KATNIP: variants seen among roughly 807,000 people sequenced by gnomAD.
KATNIP encodes the protein katanin-interacting protein.
In KATNIP, 126 loss-of-function variants were observed where a neutral mutation model predicts 174.0. The observed-to-expected ratio is 0.72, with a 90% CI of 0.63 to 0.84. The LOEUF is 0.84. KATNIP is among the 40% of genes least tolerant of loss of function. KATNIP has a pLI of 0.00. For missense variants in KATNIP, 1,958 were observed against 2,109.7 expected (o/e 0.93, Z 1.41); for synonymous variants, 810 against 835.7 (o/e 0.97, Z 0.53).
At chr16:27,766,258 C>T (rs753744140) in intron 19 of KATNIP, 51 bp from the exon 20 acceptor site, 1 of 1,599,692 alleles carries the variant, frequency 6.3e-7, no homozygotes, top group Non-Finnish European at 8.5e-7. Context: ...ACTGTGATGC[C>T]TCCTGTGCCC....
chr16:27,706,457 C>T (rs2142997967), intron 12 of KATNIP, among the ~76,000 whole-genome samples: 1 of 152,240 alleles, frequency 6.6e-6, no homozygotes, highest in South Asian at 2.1e-4. Context: ...AAAAGAGACG[C>T]CGTGGCTTTC....
chr16:27,770,147 T>C, intron 21 of KATNIP, 129 bp downstream of exon 21: 1 of 1,104,152 alleles, frequency 9.1e-7, no homozygotes, highest in South Asian at 1.5e-5. Flanking sequence ...TTCAACTTAG[T>C]CATTTTCTAA....
intron 5 of KATNIP, among the ~76,000 whole-genome samples, chr16:27,642,885 G>A (rs1170906254): frequency 1.3e-5 from 2 of 151,542 alleles, no homozygotes; most frequent in Non-Finnish European, 2.9e-5. Flanking sequence ...TGGGATTAGA[G>A]GTGTGAGCCA....
chr16:27,681,519 G>A lies in KATNIP; in HGVS notation c.929G>A (p.Arg310Lys). 1 of 1,614,190 alleles carries A rather than the reference G, an allele frequency of 6.2e-7. No individual in the cohort carries two copies. Among genetic ancestry groups the A allele is most frequent in the Non-Finnish European group, 8.5e-7 (1 of 1,180,034 alleles). Reference sequence around the variant, plus strand: ...CCTGCTGTATTCCCAGACCAGGAGAGGATGTGCTCCAGTAAGAGTTCCGGG... The same window carrying A: ...CCTGCTGTATTCCCAGACCAGGAGAAGATGTGCTCCAGTAAGAGTTCCGGG... ...QAPAVFPDQE[R>K]MCSRPGSRRE... is the part of the protein sequence containing the mutation. The change falls in exon 8 of 28, where the codon AGG (arginine) becomes AAG (lysine). Residue 310 changes from arginine to lysine, a missense_variant. Transcript: ENST00000261588.
At chr16:27,772,295 G>A (rs185433020) in intron 22 of KATNIP, among the ~76,000 whole-genome samples, 4 of 152,262 alleles carry the variant, frequency 2.6e-5, no homozygotes, top group Admixed American at 2.6e-4. Flanking sequence ...CCATTTCACA[G>A]CTAGGAAAAC....
chr16:27,654,676 T>A (rs374303575), intron 6 of KATNIP: 36 of 1,351,864 alleles, frequency 2.7e-5, no homozygotes, highest in Middle Eastern at 2.1e-4. Flanking sequence ...CATGTGGACA[T>A]TCTGACCCTT....
Position 27,776,060 on chromosome 16 carries a change from G to A in KATNIP, c.4450-868G>A, listed in dbSNP as rs2082486670. Among the ~76,000 whole-genome samples the A allele has an allele frequency of 6.6e-6, 1 of 152,178 alleles. No homozygotes were observed. Among genetic ancestry groups the A allele is most frequent in the African/African-American group, 2.4e-5 (1 of 41,430 alleles). On this transcript the variant is annotated intron_variant, in intron 24 of 27. Coordinates refer to ENST00000261588, the MANE Select transcript of KATNIP (RefSeq NM_015202.5). This position sits in a 1 kb window ranked among gnomAD's most constrained non-coding sequence, Gnocchi z 4.7. ...CTTTTGGGGTGCGGCGACTTCAGCT[G>A]TTGCTCTCGCGGCTGGACTCCAACA...
At position 27,677,876 on chromosome 16, in the gene KATNIP, C is replaced by G. The variant is rs776848402; in HGVS notation, c.688C>G (p.Arg230Gly). Residue 230 changes from arginine (R) to glycine (G), a missense_variant, in exon 7 of 28, where the codon CGC becomes GGC. Physicochemically the swap from Arg to Gly is moderately radical, Grantham distance 125. This residue lies in a region of KATNIP where 1,557 missense variants were observed against 1,617.8 expected (regional missense o/e 0.96). Transcript: ENST00000261588. ...ACTGGTGGGCCATCCCAGACATGAC[C>G]GCCCTCCTTCCAGTGGCGACTGGAC... ...PALVGHPRHD[R>G]PPSSGDWTQK... The G allele has an allele frequency of 2.5e-6, 4 of 1,614,088 alleles. No individual in the cohort carries two copies. The highest frequency in any genetic ancestry group is 1.3e-5 in the African/African-American group (1 of 74,934).
At chr16:27,778,019 G>A (rs1376063221) in intron 27 of KATNIP, 50 bp downstream of exon 27, 12 of 1,535,592 alleles carry the variant, frequency 7.8e-6, no homozygotes, top group Non-Finnish European at 9.9e-6. Flanking sequence ...AGCTCGGTCT[G>A]AATATAGAAG....
intron 1 of KATNIP, among the ~76,000 whole-genome samples, chr16:27,559,984 AAAAT>A (rs746868281): frequency 6.6e-6 from 1 of 151,314 alleles, no homozygotes. Context: ...CTGTATAAAA[AAAAT>A]AAATAAATAA....
At chr16:27,659,704 G>A (rs2077409115) in intron 6 of KATNIP, among the ~76,000 whole-genome samples, 1 of 152,106 alleles carries the variant, frequency 6.6e-6, no homozygotes, top group Non-Finnish European at 1.5e-5. Context: ...TGTAGGAGAG[G>A]CTTTCTGATT....
chr16:27,646,544 C>T (rs1353382960), intron 5 of KATNIP, among the ~76,000 whole-genome samples: 1 of 152,166 alleles, frequency 6.6e-6, no homozygotes, highest in Non-Finnish European at 1.5e-5. Context: ...GGAGGTGTTT[C>T]CTGAAGGACA....
chr16:27,681,313 GT>G, intron 7 of KATNIP, 85 bp from the exon 8 acceptor site: 1 of 1,516,736 alleles, frequency 6.6e-7, no homozygotes, highest in Non-Finnish European at 9.1e-7. Context: ...GAATGAGTAA[GT>G]GAATGAATGA....
At chr16:27,713,809 CATATATAT>C (rs60005285) in intron 13 of KATNIP, among the ~76,000 whole-genome samples, 414 of 33,328 alleles carry the variant, frequency 0.012, 2 homozygotes, top group African/African-American at 0.014. Flanking sequence ...TGTGTATATA[CATATATAT>C]ATATATATAT....
At chr16:27,766,216 GACGT>G in intron 19 of KATNIP, 89 bp from the exon 20 acceptor site, 1 of 1,364,150 alleles carries the variant, frequency 7.3e-7, no homozygotes, top group Non-Finnish European at 1.0e-6. Context: ...AGGCAGTGGG[GACGT>G]ACTTGGGGCC....
intron 8 of KATNIP, among the ~76,000 whole-genome samples, chr16:27,694,185 C>T (rs1431434245): frequency 6.6e-6 from 1 of 152,190 alleles, no homozygotes; most frequent in African/African-American, 2.4e-5. Context: ...CCCAGTAGAG[C>T]CTCCAGGTGT....
At chr16:27,695,155 C>T (rs546906303) in intron 8 of KATNIP, among the ~76,000 whole-genome samples, 1 of 152,358 alleles carries the variant, frequency 6.6e-6, no homozygotes, top group African/African-American at 2.4e-5. Context: ...ACCGCTGTTG[C>T]CTCCTGTCTC....
rs572522465 is a variant in KATNIP at position 27,750,884 on chromosome 16, C to T, written c.3346+578C>T. 4.6e-5 allele frequency among the ~76,000 whole-genome samples: 7 copies of T among 151,504 alleles called. No individual in the cohort carries two copies. The South Asian group carries it at 1.3e-3, about 27-fold the overall frequency. ...AGCTGGGACTACAGGTGCACCAACC[C>T]ACCTGGCTAATTTTTGTATTTTTTG... On this transcript the variant is annotated intron_variant, in intron 16 of 27. Coordinates refer to ENST00000261588, the MANE Select transcript of KATNIP (RefSeq NM_015202.5).
In KATNIP at chr16:27,740,572, C is replaced by G. The variant is rs978291322; in HGVS notation, c.2275C>G (p.Pro759Ala). ...AACCCCATCCTGGTTACAACCTTCTCCCACCGGCAAGGACAGGAAGCAGGG... is the reference window on the plus strand; with the variant it reads ...AACCCCATCCTGGTTACAACCTTCTGCCACCGGCAAGGACAGGAAGCAGGG... Reference protein sequence around the residue: ...GKTPSWLQPSPTGKDRKQGGR... With the variant: ...GKTPSWLQPSATGKDRKQGGR... Residue 759 changes from proline (P) to alanine (A), a missense_variant, in exon 15 of 28, where the codon CCC becomes GCC. Around this residue, in one of 3 missense-constraint regions of KATNIP, gnomAD observed 1,557 missense variants for 1,617.8 expected, o/e 0.96. Coordinates refer to ENST00000261588, the MANE Select transcript of KATNIP (RefSeq NM_015202.5). The G allele has an allele frequency of 6.2e-7, 1 of 1,614,130 alleles. No individual in the cohort carries two copies. The highest frequency in any genetic ancestry group is 2.2e-5 in the East Asian group (1 of 44,860).
Sources: gnomAD v4.1 joint callset for allele counts (sites outside exome capture counted in the v4.1 genomes callset) on GRCh38, gnomAD v4.1.1 for gene constraint, gnomAD v4.1.1 regional missense constraint, Gnocchi (gnomAD v3.1) non-coding constraint, MANE v1.5 for transcripts, NCBI Gene and HGNC (gene_info 2026-07-23, HGNC 2026-07-21) for gene names.